Variants in TRPM2 observed in about 807,000 individuals in gnomAD.
TRPM2 encodes transient receptor potential cation channel subfamily M member 2.
A neutral mutation model predicts 174.0 loss-of-function variants in TRPM2; 161 were observed. The observed-to-expected ratio is 0.93, with a 90% CI of 0.81 to 1.05. TRPM2 has a LOEUF of 1.05. Ranked by LOEUF, TRPM2 falls within the 50% of genes least tolerant of loss-of-function variation. The pLI is 0.00. For missense variants in TRPM2, 2,057 were observed against 2,038.0 expected (o/e 1.01, Z -0.18); for synonymous variants, 954 against 861.3 (o/e 1.11, Z -1.88).
chr21:44,414,286 G>C (rs1255175576), intron 20 of TRPM2, among the ~76,000 whole-genome samples: 1 of 152,220 alleles, frequency 6.6e-6, no homozygotes. Flanking sequence ...CTCTTGAGCT[G>C]GCGTGGGTCT....
At chr21:44,431,191 TTCTC>T (rs1032590179) in intron 27 of TRPM2, among the ~76,000 whole-genome samples, 4 of 152,102 alleles carry the variant, frequency 2.6e-5, no homozygotes, top group African/African-American at 9.7e-5. Flanking sequence ...AGACTGTAAA[TTCTC>T]TCTAAGACCT....
Position 44,432,074 on chromosome 21 carries a change from T to G in TRPM2, c.3975-3057T>G, listed in dbSNP as rs1464842489. Among the ~76,000 whole-genome samples the G allele has an allele frequency of 6.6e-6, 1 of 152,242 alleles. No homozygotes were observed. The highest frequency in any genetic ancestry group is 1.5e-5 in the Non-Finnish European group (1 of 68,050). On this transcript the variant is annotated intron_variant, in intron 27 of 31. Transcript: ENST00000397928. This position sits in a 1 kb window ranked among gnomAD's most constrained non-coding sequence, Gnocchi z 4.9. ...CATTCACACACTCAGATGCCCTTTC[T>G]GGTATAGGAGTGACTGTCCCCACGT...
chr21:44,436,941 C>T (rs950514417), intron 28 of TRPM2, 121 bp from the exon 29 acceptor site: 108 of 759,664 alleles, frequency 1.4e-4, no homozygotes, highest in Non-Finnish European at 1.7e-4. Flanking sequence ...AAAAAGAACA[C>T]GGTTTGAGCC....
chr21:44,355,907 A>C (rs1472998486), intron 2 of TRPM2, among the ~76,000 whole-genome samples: 2 of 151,444 alleles, frequency 1.3e-5, no homozygotes, highest in African/African-American at 4.9e-5. Context: ...CCAAAATCTC[A>C]TATCAAGTCA....
chr21:44,423,617 C>T (rs759611323), intron 22 of TRPM2, 28 bp from the exon 23 acceptor site: 11 of 1,595,196 alleles, frequency 6.9e-6, no homozygotes, highest in Admixed American at 1.7e-5. Flanking sequence ...GTGTGGTGTG[C>T]GTCCAGCTCA....
intron 12 of TRPM2, 40 bp from the exon 13 acceptor site, chr21:44,397,707 C>T (rs1460200560): frequency 2.0e-6 from 3 of 1,519,772 alleles, no homozygotes; most frequent in Non-Finnish European, 2.7e-6. Flanking sequence ...CTGGGTTGAG[C>T]CTGGCTCTTT....
At chr21:44,404,551 C>T (rs1316246275) in intron 16 of TRPM2, among the ~76,000 whole-genome samples, 2 of 152,248 alleles carry the variant, frequency 1.3e-5, no homozygotes, top group Admixed American at 6.5e-5. Flanking sequence ...ATCTCCCTCA[C>T]TGACCCAGCT....
chr21:44,386,506 G>GA (rs532449858), intron 9 of TRPM2, among the ~76,000 whole-genome samples: 140 of 151,758 alleles, frequency 9.2e-4, no homozygotes, highest in South Asian at 7.1e-3. Context: ...GCATCAAAAA[G>GA]AAAAAAAATA....
intron 8 of TRPM2, among the ~76,000 whole-genome samples, chr21:44,382,137 G>A (rs1473798748): frequency 5.9e-5 from 9 of 151,852 alleles, no homozygotes; most frequent in Non-Finnish European, 1.3e-4. Flanking sequence ...ACATGTGGAT[G>A]GATAGATGGA....
At chr21:44,372,986 A>G (rs779343838) in intron 5 of TRPM2, among the ~76,000 whole-genome samples, 3 of 152,184 alleles carry the variant, frequency 2.0e-5, no homozygotes, top group Non-Finnish European at 2.9e-5. Flanking sequence ...TTGTTGATAT[A>G]ACATTTGTGA....
intron 8 of TRPM2, among the ~76,000 whole-genome samples, chr21:44,380,551 C>T (rs974846495): frequency 2.0e-5 from 3 of 152,246 alleles, no homozygotes; most frequent in Admixed American, 2.0e-4. Flanking sequence ...GTGGTGCTTT[C>T]ACACACAGCC....
Position 44,413,903 on chromosome 21 carries a change from AC to A in TRPM2, c.2978del (p.Pro993ArgfsTer32). The A allele has an allele frequency of 6.2e-7, 1 of 1,612,040 alleles. No individual in the cohort carries two copies. The highest frequency in any genetic ancestry group is 8.5e-7 in the Non-Finnish European group (1 of 1,178,642). On this transcript the variant is annotated frameshift_variant, in exon 20 of 32. Transcript: ENST00000397928. LOFTEE classifies it high-confidence loss of function. ...IPGYIDGVNF[N>X]PEHCSPNGTD... is the part of the protein sequence containing the mutation. ...TTCCCAACGCCAGGTGTGAACTTCA[AC>A]CCGGAGCACTGCAGCCCCAATGGCA...
intron 20 of TRPM2, among the ~76,000 whole-genome samples, chr21:44,417,192 G>A (rs372822475): frequency 7.5e-6 from 1 of 133,890 alleles, no homozygotes; most frequent in African/African-American, 2.9e-5. Flanking sequence ...CAGTGGGCAC[G>A]TGGGCGTGGC....
chr21:44,370,743 G>C (rs533038699), intron 5 of TRPM2, among the ~76,000 whole-genome samples: 22 of 152,334 alleles, frequency 1.4e-4, no homozygotes, highest in African/African-American at 4.1e-4. Flanking sequence ...TGTGTCCGGC[G>C]GGGTCGGACT....
intron 20 of TRPM2, chr21:44,415,008 C>T (rs1211927450): frequency 6.6e-6 from 1 of 152,264 alleles, no homozygotes; most frequent in Non-Finnish European, 1.5e-5. Flanking sequence ...GGTTCCCCAG[C>T]CCTAGACGTG....
intron 5 of TRPM2, among the ~76,000 whole-genome samples, 175 bp from the exon 6 acceptor site, chr21:44,375,658 T>C (rs1253533167): frequency 6.6e-6 from 1 of 152,218 alleles, no homozygotes; most frequent in Non-Finnish European, 1.5e-5. Context: ...ACTCGGATCA[T>C]CCAAGTTAAT....
chr21:44,392,238 C>T (rs1441074600), intron 11 of TRPM2, among the ~76,000 whole-genome samples: 2 of 151,424 alleles, frequency 1.3e-5, no homozygotes, highest in South Asian at 2.1e-4. Flanking sequence ...CTGGAATTTA[C>T]ACCCTCCAGC....
In TRPM2 at chr21:44,440,858, G is replaced by T. The variant is rs147625236; in HGVS notation, c.4339G>T (p.Val1447Phe). ...NAWIETVAVS[V>F]HFQDQNDVEL... ...CTGGATCGAGACGGTGGCCGTCAGC[G>T]TCCACTTCCAGGACCAGAATGACGT... is the stretch of plus-strand genomic sequence containing the variant. Residue 1447 changes from valine to phenylalanine, a missense_variant, in exon 31 of 32, where the codon GTC becomes TTC. Coordinates refer to ENST00000397928, the MANE Select transcript of TRPM2 (RefSeq NM_003307.4). 6.2e-7 allele frequency: 1 copy of T among 1,613,916 alleles called. No homozygotes were observed. Among genetic ancestry groups the T allele is most frequent in the Non-Finnish European group, 8.5e-7 (1 of 1,179,960 alleles).
chr21:44,431,458 T>C (rs548606739), intron 27 of TRPM2, among the ~76,000 whole-genome samples: 39 of 152,220 alleles, frequency 2.6e-4, no homozygotes, highest in Non-Finnish European at 5.1e-4. Context: ...TTTGATTGTT[T>C]AGTGATGTAC....
Sources: gnomAD v4.1 joint callset for allele counts (sites outside exome capture counted in the v4.1 genomes callset) on GRCh38, gnomAD v4.1.1 for gene constraint, Gnocchi (gnomAD v3.1) non-coding constraint, MANE v1.5 for transcripts, NCBI Gene and HGNC (gene_info 2026-07-23, HGNC 2026-07-21) for gene names.